Variants in PTPRE observed in about 807,000 individuals in gnomAD.
The protein encoded by PTPRE is protein tyrosine phosphatase receptor type E.
In PTPRE, 51 loss-of-function variants were observed where a neutral mutation model predicts 102.0. The observed-to-expected ratio is 0.50, with a 90% CI of 0.40 to 0.63. PTPRE has a LOEUF of 0.63. Among genes scored for constraint, PTPRE ranks in the 30% least tolerant of loss-of-function variants. PTPRE has a pLI of 0.00. For missense variants in PTPRE, 752 were observed against 915.1 expected, an observed-to-expected ratio of 0.82 and a Z score of 2.30; for synonymous variants, 345 against 348.2, an observed-to-expected ratio of 0.99 and a Z score of 0.10.
At chr10:128,045,409 C>T (rs1234990049) in intron 3 of PTPRE, among the ~76,000 whole-genome samples, 2 of 152,184 alleles carry the variant, frequency 1.3e-5, no homozygotes, top group African/African-American at 4.8e-5. Flanking sequence ...TTAGTAGTCA[C>T]CATCTCTGCA....
intron 2 of PTPRE, among the ~76,000 whole-genome samples, chr10:128,038,902 A>G (rs562965220): frequency 1.3e-5 from 2 of 152,336 alleles, no homozygotes; most frequent in South Asian, 4.1e-4. Context: ...TGGTCATGTC[A>G]GGAAAATCAC....
At chr10:128,026,735 C>G (rs1846316982) in intron 2 of PTPRE, among the ~76,000 whole-genome samples, 1 of 152,252 alleles carries the variant, frequency 6.6e-6, no homozygotes, top group African/African-American at 2.4e-5. Flanking sequence ...AGATAAAAAG[C>G]AAGCCCTTTG....
intron 2 of PTPRE, among the ~76,000 whole-genome samples, chr10:128,013,656 T>TGG (rs1263884459): frequency 6.6e-6 from 1 of 152,036 alleles, no homozygotes; most frequent in Non-Finnish European, 1.5e-5. Flanking sequence ...CCCTCTTGAA[T>TGG]GGGATTAGTG....
At chr10:128,026,991 C>T (rs1846333015) in intron 2 of PTPRE, among the ~76,000 whole-genome samples, 1 of 152,168 alleles carries the variant, frequency 6.6e-6, no homozygotes, top group Non-Finnish European at 1.5e-5. Flanking sequence ...TCATTTTGCC[C>T]TATGAATCAT....
At chr10:128,015,398 G>A (rs778264584) in intron 2 of PTPRE, among the ~76,000 whole-genome samples, 4 of 151,624 alleles carry the variant, frequency 2.6e-5, no homozygotes, top group Admixed American at 1.3e-4. Flanking sequence ...ATGGAGTCTC[G>A]CTCTGTCGCC....
rs187668608 is a variant in PTPRE, at chr10:127,993,786, T to C, written c.-8+11490T>C. On this transcript the variant is annotated intron_variant, in intron 2 of 20. Transcript: ENST00000254667. Reference sequence around the variant, plus strand: ...TCATAGTGGTGTGTGTGTGTGTGTGTGCGTGTGTGTGTGTGACCTTCTATT... The same window carrying C: ...TCATAGTGGTGTGTGTGTGTGTGTGCGCGTGTGTGTGTGTGACCTTCTATT... Among the ~76,000 whole-genome samples, 376 of 151,764 alleles carry C rather than the reference T, an allele frequency of 2.5e-3. 1 individual carries two copies. Among genetic ancestry groups the C allele is most frequent in the Middle Eastern group, 0.017 (5 of 294 alleles).
chr10:128,056,294 A>C, intron 7 of PTPRE, 81 bp downstream of exon 7: 1 of 1,180,418 alleles, frequency 8.5e-7, no homozygotes, highest in South Asian at 1.3e-5. Flanking sequence ...CCGTGACTGC[A>C]GGCCATTCCT....
intron 2 of PTPRE, chr10:127,998,896 G>A (rs941645816): frequency 6.6e-6 from 1 of 152,152 alleles, no homozygotes; most frequent in Non-Finnish European, 1.5e-5. Flanking sequence ...GTGAGGCTGG[G>A]CAGCTGCAGG....
At chr10:128,024,984 C>T (rs1444074917) in intron 2 of PTPRE, among the ~76,000 whole-genome samples, 1 of 151,432 alleles carries the variant, frequency 6.6e-6, no homozygotes, top group Admixed American at 6.6e-5. Context: ...AGCAAGAACC[C>T]ATCTCTACAA....
At chr10:127,960,880 G>A (rs1238985024) in intron 1 of PTPRE, among the ~76,000 whole-genome samples, 1 of 152,006 alleles carries the variant, frequency 6.6e-6, no homozygotes, top group Non-Finnish European at 1.5e-5. Context: ...AATTAGCCGG[G>A]CGTGGTGGTG....
In PTPRE at chr10:127,944,524, A is replaced by C. The variant is rs1848493803; in HGVS notation, c.-31+37215A>C. Among the ~76,000 whole-genome samples the C allele has an allele frequency of 6.8e-6, 1 of 146,792 alleles. No homozygotes were observed. The highest frequency in any genetic ancestry group is 6.8e-5 in the Admixed American group (1 of 14,648). ...GATGGATGGATGGATGGGTGGATGG[A>C]TGGATAAATGGATGGATGGATAAGT... is the stretch of plus-strand genomic sequence containing the variant. On this transcript the variant is annotated intron_variant, in intron 1 of 20. Coordinates refer to ENST00000254667, the MANE Select transcript of PTPRE (RefSeq NM_006504.6). This position sits in a 1 kb window ranked among gnomAD's most constrained non-coding sequence, Gnocchi z 4.2.
intron 6 of PTPRE, among the ~76,000 whole-genome samples, chr10:128,055,456 C>T (rs1848872138): frequency 6.6e-6 from 1 of 152,158 alleles, no homozygotes; most frequent in Non-Finnish European, 1.5e-5. Context: ...CGTGGTGCTT[C>T]CCAAAGACGT....
chr10:127,958,685 G>T (rs1313297284), intron 1 of PTPRE, among the ~76,000 whole-genome samples: 1 of 151,808 alleles, frequency 6.6e-6, no homozygotes, highest in East Asian at 1.9e-4. Flanking sequence ...CTTTGGTTTT[G>T]GTATTGAGGG....
chr10:128,034,531 G>A (rs1040527844), intron 2 of PTPRE, among the ~76,000 whole-genome samples: 22 of 151,898 alleles, frequency 1.4e-4, no homozygotes, highest in East Asian at 7.7e-4. Context: ...CCATCTTTAC[G>A]AAAAAAAGTC....
At position 127,924,095 on chromosome 10, in the gene PTPRE, G is replaced by A. The variant is rs550127732; in HGVS notation, c.-31+16786G>A. 9.8e-5 allele frequency among the ~76,000 whole-genome samples: 15 copies of A among 152,324 alleles called. No individual in the cohort carries two copies. In the South Asian group the frequency reaches 3.1e-3, roughly 32 times the overall value. On this transcript the variant is annotated intron_variant, in intron 1 of 20. Coordinates refer to ENST00000254667, the MANE Select transcript of PTPRE (RefSeq NM_006504.6). ...TGGGAAACTGAGTGAACAAGTGAAAGGAACACAAGAGAACAAACTCTTAAG... is the reference window on the plus strand; with the variant it reads ...TGGGAAACTGAGTGAACAAGTGAAAAGAACACAAGAGAACAAACTCTTAAG...
chr10:127,919,259 A>C (rs1846424128), intron 1 of PTPRE, among the ~76,000 whole-genome samples: 1 of 152,246 alleles, frequency 6.6e-6, no homozygotes, highest in Non-Finnish European at 1.5e-5. Flanking sequence ...ATAGGTTTGA[A>C]TATAACTAGA....
intron 1 of PTPRE, among the ~76,000 whole-genome samples, chr10:127,965,276 T>C (rs1175475696): frequency 1.3e-5 from 2 of 152,314 alleles, no homozygotes; most frequent in South Asian, 4.1e-4. Flanking sequence ...AAAGAAGTTC[T>C]TCAGTTAGGA....
intron 1 of PTPRE, chr10:127,965,103 A>G (rs576052195): frequency 2.4e-6 from 1 of 421,022 alleles, no homozygotes; most frequent in Non-Finnish European, 4.8e-6. Flanking sequence ...CTTAATAAGT[A>G]CATCATTATT....
At chr10:127,933,049 T>C (rs1847564076) in intron 1 of PTPRE, among the ~76,000 whole-genome samples, 1 of 152,198 alleles carries the variant, frequency 6.6e-6, no homozygotes, top group Non-Finnish European at 1.5e-5. Flanking sequence ...CTGGCTCTCC[T>C]GCTCCTCGTC....
Sources: gnomAD v4.1 joint callset for allele counts (sites outside exome capture counted in the v4.1 genomes callset) on GRCh38, gnomAD v4.1.1 for gene constraint, Gnocchi (gnomAD v3.1) non-coding constraint, MANE v1.5 for transcripts, NCBI Gene and HGNC (gene_info 2026-07-23, HGNC 2026-07-21) for gene names.